Variants in SYT14 observed in about 807,000 individuals in gnomAD.
SYT14 encodes the protein synaptotagmin 14.
In SYT14, 32 loss-of-function variants were observed where a neutral mutation model predicts 74.2. The ratio of observed to expected loss-of-function variants is 0.43; its 90% confidence interval spans 0.33 to 0.58. The LOEUF is 0.58. SYT14 is among the 20% of genes least tolerant of loss of function. The pLI is 0.05. For missense variants in SYT14, 791 were observed against 981.8 expected, an observed-to-expected ratio of 0.81 and a Z score of 2.60; for synonymous variants, 298 against 337.7, an observed-to-expected ratio of 0.88 and a Z score of 1.29.
At chr1:210,046,377 T>G (rs1178558642) in intron 5 of SYT14, among the ~76,000 whole-genome samples, 1 of 151,786 alleles carries the variant, frequency 6.6e-6, no homozygotes, top group Non-Finnish European at 1.5e-5. Context: ...CAGTCTCAAG[T>G]AGAAAACAAA....
At chr1:210,076,333 TCA>T (rs2081500340) in intron 5 of SYT14, among the ~76,000 whole-genome samples, 1 of 152,152 alleles carries the variant, frequency 6.6e-6, no homozygotes, top group Non-Finnish European at 1.5e-5. Context: ...AAAAATTCAC[TCA>T]CAGTATATAA....
chr1:210,083,574 A>AC (rs2081659394), intron 5 of SYT14, among the ~76,000 whole-genome samples: 1 of 144,134 alleles, frequency 6.9e-6, no homozygotes, highest in African/African-American at 2.5e-5. Flanking sequence ...CTAATTTTCA[A>AC]TTTTTTTTTT....
chr1:209,989,205 G>A (rs556252770), intron 2 of SYT14, among the ~76,000 whole-genome samples: 1 of 152,244 alleles, frequency 6.6e-6, no homozygotes, highest in Non-Finnish European at 1.5e-5. Flanking sequence ...TTAACTGGAA[G>A]TAGAAAATGT....
At chr1:210,100,662 G>T (rs2082047879) in intron 7 of SYT14, among the ~76,000 whole-genome samples, 1 of 152,096 alleles carries the variant, frequency 6.6e-6, no homozygotes. Flanking sequence ...AAGATAATTT[G>T]TGATTTATGT....
chr1:210,148,524 G>A lies in SYT14; in HGVS notation c.2035-7197G>A, dbSNP rs562279900. On this transcript the variant is annotated intron_variant, in intron 7 of 9. Coordinates refer to ENST00000637265, the Ensembl canonical transcript of SYT14. ...ACTCCGTCTCAAAAAAAAAAAAAAAGGACATAACCACCAATTCAGTGGAGG... is the reference window on the plus strand; with the variant it reads ...ACTCCGTCTCAAAAAAAAAAAAAAAAGACATAACCACCAATTCAGTGGAGG... Among the ~76,000 whole-genome samples, 1,184 of 145,058 alleles carry A rather than the reference G, an allele frequency of 8.2e-3. 16 individuals are homozygous for A. The highest frequency in any genetic ancestry group is 0.03 in the African/African-American group (1,114 of 37,206).
At chr1:210,043,002 A>G (rs1558149505) in intron 5 of SYT14, among the ~76,000 whole-genome samples, 2 of 152,084 alleles carry the variant, frequency 1.3e-5, no homozygotes, top group Non-Finnish European at 2.9e-5. Context: ...ATGTTTTTCC[A>G]TTTGTTTGTG....
chr1:210,161,083 T>C (rs1199248544), exon 10 of SYT14: 3 of 1,597,498 alleles, frequency 1.9e-6, no homozygotes, highest in African/African-American at 1.3e-5. Context: ...AGGCAGCATA[T>C]TTCCAATTCC....
chr1:209,983,909 C>T (rs1467685484), intron 2 of SYT14, among the ~76,000 whole-genome samples: 1 of 152,154 alleles, frequency 6.6e-6, no homozygotes, highest in African/African-American at 2.4e-5. Flanking sequence ...TTAGTGACCT[C>T]CCCAGACTAT....
intron 2 of SYT14, among the ~76,000 whole-genome samples, chr1:210,011,035 T>C (rs974323294): frequency 6.6e-6 from 1 of 152,222 alleles, no homozygotes; most frequent in African/African-American, 2.4e-5. Context: ...CTACATTTTC[T>C]TTCATTTAGT....
At chr1:210,162,218 A>T (rs1251581299) in exon 10 of SYT14, 2 of 429,538 alleles carry the variant, frequency 4.7e-6, no homozygotes, top group Non-Finnish European at 9.4e-6. Context: ...AAGTTCTTCA[A>T]CGTGATGTCA....
At chr1:210,010,530 G>A (rs1007181500) in intron 2 of SYT14, among the ~76,000 whole-genome samples, 1 of 152,062 alleles carries the variant, frequency 6.6e-6, no homozygotes. Context: ...CCCTACTCAA[G>A]TGTCATCTCT....
rs17015548 is a variant in SYT14 at position 210,044,149 on chromosome 1, A to G, written c.1312+22895A>G. ...TGCCAATGTCGTAAATAGAAGGTGCATAAACATCTACTTTTGGATCCCTGG... is the reference window on the plus strand; with the variant it reads ...TGCCAATGTCGTAAATAGAAGGTGCGTAAACATCTACTTTTGGATCCCTGG... On this transcript the variant is annotated intron_variant, in intron 5 of 9. Coordinates refer to ENST00000637265, the Ensembl canonical transcript of SYT14. Among the ~76,000 whole-genome samples the G allele has an allele frequency of 1.3e-3, 197 of 152,276 alleles. 2 individuals carry two copies. In the East Asian group the frequency reaches 0.013, roughly 10 times the overall value.
chr1:210,000,464 A>ACGCGCG (rs537943779), intron 2 of SYT14, among the ~76,000 whole-genome samples: 2 of 133,982 alleles, frequency 1.5e-5, no homozygotes, highest in African/African-American at 5.8e-5. Flanking sequence ...TTGTCCTCAT[A>ACGCGCG]CGCACACACA....
chr1:210,165,202 T>C (rs2083442896), exon 10 of SYT14: 1 of 152,080 alleles, frequency 6.6e-6, no homozygotes, highest in Non-Finnish European at 1.5e-5. Flanking sequence ...ACCCATGCTA[T>C]GCATGTTGCA....
At chr1:210,060,074 A>C (rs140229251) in intron 5 of SYT14, among the ~76,000 whole-genome samples, 56 of 152,252 alleles carry the variant, frequency 3.7e-4, no homozygotes, top group African/African-American at 1.1e-3. Context: ...AATTATATGC[A>C]ACTTCATTTG....
At chr1:210,168,646 C>T (rs2083482806) in exon 10 of SYT14, 2 of 151,942 alleles carry the variant, frequency 1.3e-5, no homozygotes, top group East Asian at 1.9e-4. Context: ...AGGAATTTTT[C>T]CTTATCTCTG....
intron 1 of SYT14, among the ~76,000 whole-genome samples, chr1:209,942,036 T>C (rs2078738796): frequency 6.6e-6 from 1 of 152,186 alleles, no homozygotes; most frequent in Non-Finnish European, 1.5e-5. Context: ...ATACAACCAC[T>C]GTAGGCCTAA....
chr1:209,965,890 TAGA>T, intron 2 of SYT14: 1 of 453,002 alleles, frequency 2.2e-6, no homozygotes, highest in Non-Finnish European at 4.4e-6. Flanking sequence ...TTTTTTTTTT[TAGA>T]TAGGGTATTT....
chr1:210,100,612 A>G (rs2082047003), intron 7 of SYT14, 151 bp downstream of exon 6: 6 of 757,652 alleles, frequency 7.9e-6, no homozygotes, highest in Non-Finnish European at 1.3e-5. Flanking sequence ...AGCCCTGGAT[A>G]GATAGATATA....
Sources: gnomAD v4.1 joint callset for allele counts (sites outside exome capture counted in the v4.1 genomes callset) on GRCh38, gnomAD v4.1.1 for gene constraint, MANE v1.5 for transcripts, NCBI Gene and HGNC (gene_info 2026-07-23, HGNC 2026-07-21) for gene names.